JAKMIP3: variants seen among roughly 807,000 people sequenced by gnomAD.
The protein encoded by JAKMIP3 is Janus kinase and microtubule interacting protein 3, also known as janus kinase and microtubule-interacting protein 3.
JAKMIP3 carries 58 observed loss-of-function variants against 118.5 expected under a neutral mutation model. The ratio of observed to expected loss-of-function variants is 0.49; its 90% CI spans 0.40 to 0.61. JAKMIP3 has a LOEUF of 0.61. JAKMIP3 is among the 20% of genes least tolerant of loss of function. JAKMIP3 has a pLI of 0.00. For synonymous variants in JAKMIP3, 486 were observed against 451.2 expected (o/e 1.08, Z -0.98); for missense variants, 950 against 1,109.0 (o/e 0.86, Z 2.04).
intron 1 of JAKMIP3, among the ~76,000 whole-genome samples, chr10:132,071,995 A>G (rs539680655): frequency 7.2e-6 from 1 of 138,378 alleles, no homozygotes; most frequent in Admixed American, 8.0e-5. Flanking sequence ...TCTGTCACCC[A>G]GTCTGGAGTG....
chr10:132,165,161 C>T (rs545955604), intron 21 of JAKMIP3, among the ~76,000 whole-genome samples: 2 of 152,312 alleles, frequency 1.3e-5, no homozygotes, highest in East Asian at 1.9e-4. Context: ...CAGAAGCACC[C>T]GTTGACGTGC....
chr10:132,159,522 T>C (rs1353679191), intron 19 of JAKMIP3, among the ~76,000 whole-genome samples: 24 of 115,428 alleles, frequency 2.1e-4, no homozygotes, highest in South Asian at 3.3e-4. Flanking sequence ...GGGTGTGTCT[T>C]CCTGTGTGAT....
rs772338369 is a variant in JAKMIP3, at chr10:132,168,303, G to GC, written c.*375dup. The stretch of plus-strand genomic sequence containing the variant: ...GAACTGCTTCTGTGCAGAAGCACCA[G>GC]CCGCGGGTCCCCTCCTCTCTCTTGG... On this transcript the variant is annotated 3_prime_UTR_variant, in exon 23 of 24. Transcript: ENST00000684848. The GC allele has an allele frequency of 2.3e-6, 3 of 1,289,510 alleles. No individual in the cohort carries two copies. Among genetic ancestry groups the GC allele is most frequent in the African/African-American group, 3.0e-5 (2 of 65,984 alleles). The allele number at this position is 1,289,510 out of a possible 1,614,324, so 79.9% of individuals were successfully genotyped here. A position where few individuals can be genotyped will look rare whatever the true frequency, so the allele number is the denominator to read the frequency against.
At chr10:132,150,638 A>G (rs1483582472) in intron 16 of JAKMIP3, among the ~76,000 whole-genome samples, 3 of 152,074 alleles carry the variant, frequency 2.0e-5, no homozygotes, top group Non-Finnish European at 4.4e-5. Context: ...TGTGTAATCC[A>G]TCCATCCATC....
rs563953768 is a variant in JAKMIP3, at chr10:132,072,958, G to A, written c.-138+6897G>A. Among the ~76,000 whole-genome samples, 144 of 152,042 alleles carry A rather than the reference G, an allele frequency of 9.5e-4. 3 individuals are homozygous for A. In the South Asian group the frequency reaches 0.025, roughly 26 times the overall value. The stretch of plus-strand genomic sequence containing the variant: ...AGTATCTGTTCCACTCTGTCTGTCC[G>A]TGTGTTCCCATCATTTAGCTCCCAC... On this transcript the variant is annotated intron_variant, in intron 1 of 23. Coordinates refer to ENST00000684848, the MANE Select transcript of JAKMIP3 (RefSeq NM_001323087.2).
At chr10:132,163,536 C>T (rs2058584819) in intron 20 of JAKMIP3, 124 bp downstream of exon 20, 4 of 810,450 alleles carry the variant, frequency 4.9e-6, no homozygotes, top group Non-Finnish European at 7.7e-6. Context: ...CCTCCAGTGG[C>T]CACACCCCTC....
intron 1 of JAKMIP3, among the ~76,000 whole-genome samples, chr10:132,056,346 C>T (rs2038235781): frequency 6.6e-6 from 1 of 152,178 alleles, no homozygotes; most frequent in South Asian, 2.1e-4. Context: ...GGTTTAATCG[C>T]AAGCTGTGAG....
intron 1 of JAKMIP3, among the ~76,000 whole-genome samples, chr10:132,048,828 GACA>G (rs1481165129): frequency 1.3e-5 from 2 of 151,796 alleles, no homozygotes; most frequent in African/African-American, 4.8e-5. Flanking sequence ...TTTTGGTAGA[GACA>G]AGGCTTCACC....
At chr10:132,037,463 G>A (rs2037549028) in intron 1 of JAKMIP3, among the ~76,000 whole-genome samples, 1 of 152,152 alleles carries the variant, frequency 6.6e-6, no homozygotes, top group South Asian at 2.1e-4. Context: ...GAAATCCGTT[G>A]TCATGGAGGG....
chr10:132,065,573 C>G (rs2038658492), upstream of JAKMIP3, among the ~76,000 whole-genome samples: 1 of 152,096 alleles, frequency 6.6e-6, no homozygotes, highest in Admixed American at 6.6e-5. The surrounding 1 kb of genome is among the most constrained non-coding windows in gnomAD (Gnocchi z 5.6). Flanking sequence ...CCAGCCGTGG[C>G]CTCTGCCGCT....
At chr10:132,131,062 C>A (rs1181851473) in intron 3 of JAKMIP3, among the ~76,000 whole-genome samples, 3 of 151,996 alleles carry the variant, frequency 2.0e-5, no homozygotes, top group Admixed American at 6.6e-5. Context: ...GGCCTGCACA[C>A]CCCCTGTCCT....
chr10:132,074,108 G>A (rs1378129323), intron 1 of JAKMIP3, among the ~76,000 whole-genome samples: 1 of 152,190 alleles, frequency 6.6e-6, no homozygotes, highest in African/African-American at 2.4e-5. Context: ...CTGGAGTGCA[G>A]TGGCACAATC....
chr10:132,143,603 C>T (rs1200366993), intron 11 of JAKMIP3: 2 of 152,208 alleles, frequency 1.3e-5, no homozygotes, highest in African/African-American at 4.8e-5. Flanking sequence ...AGAAGTGCTG[C>T]ATGGTTATTT....
At chr10:132,137,178 C>T (rs367725357) in intron 7 of JAKMIP3, 28 bp downstream of exon 7, 5 of 1,613,798 alleles carry the variant, frequency 3.1e-6, no homozygotes, top group East Asian at 4.5e-5. Context: ...TGCTGCGGCC[C>T]CGTCCTCTGG....
At chr10:132,131,428 TGG>T (rs1202150962) in intron 3 of JAKMIP3, among the ~76,000 whole-genome samples, 3 of 132,788 alleles carry the variant, frequency 2.3e-5, no homozygotes, top group Non-Finnish European at 4.8e-5. Context: ...GGTGAGGGTA[TGG>T]GGGCCTGAGA....
rs1296103079 is a variant in JAKMIP3, at chr10:132,180,600, TGC to T, written c.*1104-1753_*1104-1752del. ...GTGTGCGTGCGCGTGTGTGTGTGCGTGCGCGTGTGTGTGTGCGTGTGTGTGCG... is the reference window on the plus strand; with the variant it reads ...GTGTGCGTGCGCGTGTGTGTGTGCGTGCGTGTGTGTGTGCGTGTGTGTGCG... On this transcript the variant is annotated intron_variant, in intron 23 of 23. Coordinates refer to ENST00000684848, the MANE Select transcript of JAKMIP3 (RefSeq NM_001323087.2). Among the ~76,000 whole-genome samples, 360 of 39,084 alleles carry T rather than the reference TGC, an allele frequency of 9.2e-3. 41 individuals carry two copies. Among genetic ancestry groups the T allele is most frequent in the African/African-American group, 0.016 (121 of 7,706 alleles). The allele number at this position is 39,084 out of a possible 152,430, so 25.6% of individuals were successfully genotyped here. A position where few individuals can be genotyped will look rare whatever the true frequency, so the allele number is the denominator to read the frequency against.
At chr10:132,099,938 A>G (rs866409599) in intron 1 of JAKMIP3, among the ~76,000 whole-genome samples, 3 of 152,142 alleles carry the variant, frequency 2.0e-5, no homozygotes, top group African/African-American at 7.2e-5. Context: ...TCTGCATCTG[A>G]GATTCACGCT....
rs550151812 is a variant in JAKMIP3 at position 132,044,139 on chromosome 10, G to A, written c.-138+7401G>A. The stretch of plus-strand genomic sequence containing the variant: ...GATGCTGCTCCCCTGGGACCAGCCC[G>A]ATGCCTGGTGGGGGGGCTTCTCTGG... On this transcript the variant is annotated intron_variant, in intron 1 of 23. Coordinates refer to the JAKMIP3 transcript ENST00000657785. The surrounding 1 kb of genome is among the most constrained non-coding windows in gnomAD (Gnocchi z 5.3). Among the ~76,000 whole-genome samples the A allele has an allele frequency of 2.4e-4, 36 of 152,338 alleles. No homozygotes were observed. Among genetic ancestry groups the A allele is most frequent in the African/African-American group, 7.5e-4 (31 of 41,588 alleles).
At position 132,138,164 on chromosome 10, in the gene JAKMIP3, G is replaced by A. The variant is rs747640595; in HGVS notation, c.1330G>A (p.Ala444Thr). The A allele has an allele frequency of 6.2e-6, 10 of 1,611,142 alleles. No homozygotes were observed. In the Admixed American group the frequency reaches 6.7e-5, roughly 11 times the overall value. ...ATTCCGGAAGCAAAGAAAGAAAATG[G>A]CAAAACTTCCCAAGGTAAGGAACAG... ...LRFRKQRKKM[A>T]KLPKPVVVET... The change falls in exon 9 of 24, where the codon GCA (alanine) becomes ACA (threonine). Residue 444 changes from alanine (A) to threonine (T), a missense_variant. Ala to Thr is a moderately conservative substitution (Grantham distance 58). Coordinates refer to ENST00000684848, the MANE Select transcript of JAKMIP3 (RefSeq NM_001323087.2).
Sources: gnomAD v4.1 joint callset for allele counts (sites outside exome capture counted in the v4.1 genomes callset) on GRCh38, gnomAD v4.1.1 for gene constraint, Gnocchi (gnomAD v3.1) non-coding constraint, MANE v1.5 for transcripts, NCBI Gene and HGNC (gene_info 2026-07-23, HGNC 2026-07-21) for gene names.